The following POMP variants were observed in gnomAD, a reference collection of about 807,000 sequenced individuals.
The protein encoded by POMP is proteasome maturation protein, also known as 2510048O06Rik.
Under a neutral mutation model 20.6 loss-of-function variants are expected in POMP, and 12 were observed. The ratio of observed to expected loss-of-function variants is 0.58; its 90% CI spans 0.37 to 0.94. POMP has a LOEUF of 0.94. Ranked by LOEUF, POMP falls within the 40% of genes least tolerant of loss-of-function variation. POMP has a pLI of 0.01. For missense variants in POMP, 136 were observed against 161.1 expected (o/e 0.84, Z 0.84); for synonymous variants, 53 against 55.0 (o/e 0.96, Z 0.16).
In POMP at chr13:28,672,334, C is replaced by G. The variant is rs772039231; in HGVS notation, c.265-5C>G. 1.3e-6 allele frequency: 2 copies of G among 1,597,552 alleles called. No individual in the cohort carries two copies. The highest frequency in any genetic ancestry group is 2.2e-5 in the East Asian group (1 of 44,776). On this transcript the variant is annotated splice_polypyrimidine_tract_variant and splice_region_variant and intron_variant, in intron 4 of 5. Transcript: ENST00000380842. ...AATCTTGTCCCTTCATACTTTTCCCCAAAGGTTCAGCGTCTTCCATTTCTT... is the reference window on the plus strand; with the variant it reads ...AATCTTGTCCCTTCATACTTTTCCCGAAAGGTTCAGCGTCTTCCATTTCTT...
chr13:28,672,294 C>G, intron 4 of POMP, 45 bp from the exon 5 acceptor site: 1 of 1,399,628 alleles, frequency 7.1e-7, no homozygotes, highest in Non-Finnish European at 1.0e-6. Context: ...TGTCATTTTC[C>G]CCTGAGTTTT....
rs1446589423 is a variant in POMP, at chr13:28,678,753, C to T, written c.*651C>T. The T allele has an allele frequency of 6.6e-6, 1 of 152,124 alleles. No individual in the cohort carries two copies. Among genetic ancestry groups the T allele is most frequent in the Non-Finnish European group, 1.5e-5 (1 of 68,066 alleles). The allele number at this position is 152,124 out of a possible 1,614,324, so 9.4% of individuals were successfully genotyped here. A position where few individuals can be genotyped will look rare whatever the true frequency, so the allele number is the denominator to read the frequency against. Reference sequence around the variant, plus strand: ...ATGTAATTAATATATTGCCAAGCAACACTGTTAAAGAAAAGTAAAACTCAT... The same window carrying T: ...ATGTAATTAATATATTGCCAAGCAATACTGTTAAAGAAAAGTAAAACTCAT... On this transcript the variant is annotated 3_prime_UTR_variant, in exon 6 of 6. Coordinates refer to ENST00000380842, the MANE Select transcript of POMP (RefSeq NM_015932.6).
chr13:28,676,157 A>G (rs1884625212), intron 5 of POMP, among the ~76,000 whole-genome samples: 2 of 151,992 alleles, frequency 1.3e-5, no homozygotes, highest in South Asian at 2.1e-4. Context: ...GGCGCCCACC[A>G]CCACGCCTGG....
At chr13:28,674,336 G>A (rs868182019) in intron 5 of POMP, among the ~76,000 whole-genome samples, 54 of 152,332 alleles carry the variant, frequency 3.5e-4, no homozygotes, top group African/African-American at 1.3e-3. Flanking sequence ...TACATTGAGT[G>A]TGTTACGTTA....
chr13:28,669,895 C>T (rs987667356), intron 4 of POMP, among the ~76,000 whole-genome samples: 1 of 152,074 alleles, frequency 6.6e-6, no homozygotes, highest in Non-Finnish European at 1.5e-5. Flanking sequence ...CACTCAAGCT[C>T]AGGTGTTCAA....
Position 28,678,936 on chromosome 13 carries a change from T to G in POMP, c.*834T>G, listed in dbSNP as rs1431266032. ...TCAGTTTCTTAGGAACATCTTTGATTAGATAAATTACTGATTTGAAACATT... is the reference window on the plus strand; with the variant it reads ...TCAGTTTCTTAGGAACATCTTTGATGAGATAAATTACTGATTTGAAACATT... On this transcript the variant is annotated 3_prime_UTR_variant, in exon 6 of 6. Transcript: ENST00000380842. 6.6e-6 allele frequency: 1 copy of G among 152,222 alleles called. No homozygotes were observed. The highest frequency in any genetic ancestry group is 2.4e-5 in the African/African-American group (1 of 41,460). The allele number at this position is 152,222 out of a possible 1,614,324, so 9.4% of individuals were successfully genotyped here.
chr13:28,667,660 A>G (rs999777910), intron 3 of POMP, among the ~76,000 whole-genome samples: 5 of 152,216 alleles, frequency 3.3e-5, no homozygotes, highest in South Asian at 2.1e-4. Flanking sequence ...TTAGAAGACA[A>G]TGTTATCAAG....
intron 2 of POMP, among the ~76,000 whole-genome samples, 176 bp from the exon 3 acceptor site, chr13:28,664,333 A>G (rs1365014211): frequency 1.3e-5 from 2 of 151,062 alleles, no homozygotes; most frequent in South Asian, 2.1e-4. Context: ...GTGTAGGTCT[A>G]TGAATTTTTA....
At chr13:28,660,088 T>C (rs1159286723) in intron 1 of POMP, among the ~76,000 whole-genome samples, 2 of 151,918 alleles carry the variant, frequency 1.3e-5, no homozygotes, top group Non-Finnish European at 2.9e-5. Context: ...AATAACAGAA[T>C]CCAGAAGTCA....
At chr13:28,676,746 G>A (rs1408423467) in intron 5 of POMP, among the ~76,000 whole-genome samples, 2 of 152,160 alleles carry the variant, frequency 1.3e-5, no homozygotes, top group Non-Finnish European at 2.9e-5. Context: ...GGACGTATAA[G>A]GACACTAGTA....
chr13:28,676,256 G>A (rs1387283826), intron 5 of POMP, among the ~76,000 whole-genome samples: 1 of 151,944 alleles, frequency 6.6e-6, no homozygotes, highest in Non-Finnish European at 1.5e-5. Context: ...TGCCCACCTC[G>A]GCCTTCCAAA....
intron 2 of POMP, among the ~76,000 whole-genome samples, 159 bp from the exon 3 acceptor site, chr13:28,664,350 G>A (rs531678151): frequency 2.0e-5 from 3 of 150,144 alleles, no homozygotes; most frequent in African/African-American, 7.4e-5. Context: ...TTTAGCACAT[G>A]TATCAATTCC....
chr13:28,667,359 G>A (rs889424959), intron 3 of POMP, among the ~76,000 whole-genome samples: 3 of 152,088 alleles, frequency 2.0e-5, no homozygotes, highest in Non-Finnish European at 4.4e-5. Context: ...CCTGTGAATA[G>A]CCACTGCACT....
At chr13:28,675,819 A>T (rs1262306362) in intron 5 of POMP, among the ~76,000 whole-genome samples, 1 of 152,102 alleles carries the variant, frequency 6.6e-6, no homozygotes, top group African/African-American at 2.4e-5. Context: ...CAGAAGACAA[A>T]GGGGGGCCAG....
chr13:28,671,882 T>C (rs1761288722), intron 4 of POMP, among the ~76,000 whole-genome samples: 1 of 152,108 alleles, frequency 6.6e-6, no homozygotes, highest in Non-Finnish European at 1.5e-5. Flanking sequence ...TTATCTGCAT[T>C]AGCTGGGCTT....
chr13:28,667,402 A>G (rs1884468056), intron 3 of POMP, among the ~76,000 whole-genome samples: 1 of 152,190 alleles, frequency 6.6e-6, no homozygotes, highest in African/African-American at 2.4e-5. Context: ...CTCTTAGAAT[A>G]AAATTGTATT....
intron 3 of POMP, among the ~76,000 whole-genome samples, chr13:28,666,500 A>T (rs1355287648): frequency 6.6e-6 from 1 of 151,924 alleles, no homozygotes; most frequent in Non-Finnish European, 1.5e-5. Context: ...TCTTTTTGAG[A>T]CTTACATACA....
chr13:28,659,330 T>C (rs1884292011), intron 1 of POMP, 143 bp downstream of exon 1: 1 of 1,373,650 alleles, frequency 7.3e-7, no homozygotes, highest in African/African-American at 1.4e-5. Context: ...CGCCATAATC[T>C]GTCGAGTCAC....
At chr13:28,660,478 C>G (rs1884312823) in intron 1 of POMP, among the ~76,000 whole-genome samples, 1 of 152,154 alleles carries the variant, frequency 6.6e-6, no homozygotes, top group Admixed American at 6.5e-5. Flanking sequence ...AGGCTAAGGC[C>G]TGATGTTTAG....
Sources: allele counts gnomAD v4.1 joint callset (sites outside exome capture counted in the v4.1 genomes callset), GRCh38; gene constraint gnomAD v4.1.1; transcripts MANE v1.5; gene names NCBI Gene and HGNC (gene_info 2026-07-23, HGNC 2026-07-21).